Variants in ASS1 observed in about 807,000 individuals in gnomAD.
ASS1 encodes argininosuccinate synthase.
A neutral mutation model predicts 60.5 loss-of-function variants in ASS1; 58 were observed. That is an observed-to-expected ratio of 0.96 (90% CI 0.78 to 1.19). The LOEUF is 1.19. Ranked by LOEUF, ASS1 falls within the 50% of genes most tolerant of loss-of-function variation. The pLI, the probability that ASS1 is intolerant of heterozygous loss-of-function variation, is 0.00. For missense variants in ASS1, 454 were observed against 547.3 expected (o/e 0.83, Z 1.70); for synonymous variants, 200 against 206.9 (o/e 0.97, Z 0.29).
At chr9:130,463,614 C>T (rs943878476) in intron 4 of ASS1, among the ~76,000 whole-genome samples, 2 of 152,314 alleles carry the variant, frequency 1.3e-5, no homozygotes, top group South Asian at 4.1e-4. Flanking sequence ...TCCACCTCCT[C>T]CCTGACACCA....
intron 3 of ASS1, among the ~76,000 whole-genome samples, chr9:130,457,286 C>T (rs1181027290): frequency 6.6e-6 from 1 of 152,084 alleles, no homozygotes; most frequent in Non-Finnish European, 1.5e-5. Context: ...AACTGGGCAA[C>T]ACAGTGAGAT....
intron 1 of ASS1, among the ~76,000 whole-genome samples, chr9:130,448,416 G>GCA (rs1845245910): frequency 7.1e-5 from 3 of 42,494 alleles, no homozygotes; most frequent in East Asian, 1.0e-3. Context: ...ACAGGTGTGT[G>GCA]CGCGCGCACA....
At chr9:130,449,805 C>T (rs1164274054) in intron 1 of ASS1, among the ~76,000 whole-genome samples, 1 of 152,056 alleles carries the variant, frequency 6.6e-6, no homozygotes, top group Non-Finnish European at 1.5e-5. Context: ...ATGTCACGGG[C>T]GCATCCGCAC....
chr9:130,501,016 A>C lies in ASS1; in HGVS notation c.1234A>C (p.Lys412Gln), dbSNP rs1846742649. The change falls in exon 15 of 15, where the codon AAA (lysine) becomes CAA (glutamine). Residue 412 changes from lysine (K) to glutamine (Q), a missense_variant. Transcript: ENST00000352480. ...TCGTCTCCAGAGCAAGGTCACTGCCAAATAGACCCGTGTACAATGAGGAGC... is the reference window on the plus strand; with the variant it reads ...TCGTCTCCAGAGCAAGGTCACTGCCCAATAGACCCGTGTACAATGAGGAGC... The part of the protein sequence containing the change: ...YHRLQSKVTA[K>Q] The C allele has an allele frequency of 1.2e-6, 2 of 1,613,204 alleles. No homozygotes were observed. The highest frequency in any genetic ancestry group is 2.2e-5 in the South Asian group (2 of 91,080).
At chr9:130,472,982 C>T (rs1268114851) in intron 8 of ASS1, among the ~76,000 whole-genome samples, 1 of 152,190 alleles carries the variant, frequency 6.6e-6, no homozygotes, top group Non-Finnish European at 1.5e-5. Flanking sequence ...AGGGAAATCA[C>T]CCCCTCGGAC....
At chr9:130,451,390 C>T (rs1225189905) in intron 1 of ASS1, among the ~76,000 whole-genome samples, 1 of 152,190 alleles carries the variant, frequency 6.6e-6, no homozygotes, top group Admixed American at 6.5e-5. Context: ...CTATCGCCTT[C>T]CCTCCCTGGG....
chr9:130,472,382 GC>G (rs1010207837), intron 8 of ASS1, among the ~76,000 whole-genome samples: 2 of 152,140 alleles, frequency 1.3e-5, no homozygotes, highest in African/African-American at 4.8e-5. Flanking sequence ...CCCGCGTGCC[GC>G]CCCCTGGTCG....
chr9:130,471,583 G>A, intron 8 of ASS1, 68 bp downstream of exon 8: 1 of 1,547,330 alleles, frequency 6.5e-7, no homozygotes, highest in Non-Finnish European at 8.9e-7. Flanking sequence ...TGCCGATGCT[G>A]TCTGATGTAT....
chr9:130,485,994 T>C (rs1846299714), intron 11 of ASS1, among the ~76,000 whole-genome samples: 1 of 152,212 alleles, frequency 6.6e-6, no homozygotes, highest in Non-Finnish European at 1.5e-5. Flanking sequence ...TGTTTTGTTT[T>C]GTTTCTCTTT....
intron 9 of ASS1, among the ~76,000 whole-genome samples, chr9:130,479,459 A>G (rs907923983): frequency 1.3e-5 from 2 of 152,156 alleles, no homozygotes; most frequent in African/African-American, 2.4e-5. Flanking sequence ...CCCTAAATGC[A>G]AAAGGGGCAA....
chr9:130,466,762 G>T lies in ASS1; in HGVS notation c.458G>T (p.Arg153Leu), dbSNP rs373239430. Reference protein sequence around the residue: ...APWRMPEFYNRFKGRNDLMEY... With the variant: ...APWRMPEFYNLFKGRNDLMEY... The stretch of plus-strand genomic sequence containing the variant: ...TGGAGGATGCCTGAATTCTACAACC[G>T]GTTCAAGGGCCGCAATGACCTGATG... Residue 153 changes from arginine (R) to leucine (L), a missense_variant, in exon 6 of 15, where the codon CGG (arginine) becomes CTG (leucine). By Grantham distance (102) the Arg-to-Leu change is moderately radical (BLOSUM62 -2). Transcript: ENST00000352480. 1 of 1,614,122 alleles carries T rather than the reference G, an allele frequency of 6.2e-7. No homozygotes were observed. Among genetic ancestry groups the T allele is most frequent in the East Asian group, 2.2e-5 (1 of 44,874 alleles).
At chr9:130,463,879 C>T (rs1393745431) in intron 4 of ASS1, among the ~76,000 whole-genome samples, 1 of 151,934 alleles carries the variant, frequency 6.6e-6, no homozygotes, top group African/African-American at 2.4e-5. Flanking sequence ...GTGTCCTGCA[C>T]CCACCCACGT....
intron 12 of ASS1, among the ~76,000 whole-genome samples, chr9:130,493,012 C>T (rs1846486405): frequency 6.6e-6 from 1 of 152,160 alleles, no homozygotes; most frequent in Admixed American, 6.5e-5. Context: ...TCTCTGGCTC[C>T]ATCTCCTGCC....
chr9:130,486,607 C>T (rs1846311289), intron 11 of ASS1, among the ~76,000 whole-genome samples: 2 of 152,218 alleles, frequency 1.3e-5, no homozygotes, highest in Non-Finnish European at 2.9e-5. Flanking sequence ...TGGATCTCTG[C>T]ATAAACTTGG....
intron 8 of ASS1, among the ~76,000 whole-genome samples, chr9:130,472,197 C>G (rs1415160588): frequency 1.3e-5 from 2 of 152,262 alleles, no homozygotes; most frequent in South Asian, 4.2e-4. Flanking sequence ...CCCCACACCC[C>G]GGGGAGGCTG....
chr9:130,464,548 T>C (rs894389698), intron 5 of ASS1, among the ~76,000 whole-genome samples: 1 of 152,060 alleles, frequency 6.6e-6, no homozygotes, highest in African/African-American at 2.4e-5. Context: ...ACGTGGTTGC[T>C]GGTGTCTGGG....
At chr9:130,456,073 G>C (rs1845443310) in intron 3 of ASS1, among the ~76,000 whole-genome samples, 1 of 152,232 alleles carries the variant, frequency 6.6e-6, no homozygotes, top group South Asian at 2.1e-4. Flanking sequence ...TTCAGCTTTT[G>C]TCCTTTATTC....
chr9:130,470,798 C>T lies in ASS1; in HGVS notation c.496-36C>T, dbSNP rs12343715. 7.7e-3 allele frequency: 12,410 copies of T among 1,606,760 alleles called. 842 individuals are homozygous for T. In the African/African-American group the frequency reaches 0.14, roughly 19 times the overall value. On this transcript the variant is annotated intron_variant, in intron 6 of 14. Coordinates refer to ENST00000352480, the MANE Select transcript of ASS1 (RefSeq NM_054012.4). This position sits in a 1 kb window ranked among gnomAD's most constrained non-coding sequence, Gnocchi z 4.3. ...GACGGACCTCACGCGTCCTTCCAGC[C>T]GCCTTACCTCCACCTGTGCTGTCTC...
At chr9:130,475,168 A>G (rs1189518684) in intron 8 of ASS1, among the ~76,000 whole-genome samples, 1 of 152,176 alleles carries the variant, frequency 6.6e-6, no homozygotes, top group African/African-American at 2.4e-5. Context: ...CCACAGGCAA[A>G]TGACCACAGG....
Sources: gnomAD v4.1 joint callset for allele counts (sites outside exome capture counted in the v4.1 genomes callset) on GRCh38, gnomAD v4.1.1 for gene constraint, Gnocchi (gnomAD v3.1) non-coding constraint, MANE v1.5 for transcripts, NCBI Gene and HGNC (gene_info 2026-07-23, HGNC 2026-07-21) for gene names.